Variants in NDST3 observed in about 807,000 individuals in gnomAD.
NDST3 encodes bifunctional heparan sulfate N-deacetylase/N-sulfotransferase 3.
Under a neutral mutation model 96.1 loss-of-function variants are expected in NDST3, and 58 were observed. The ratio of observed to expected loss-of-function variants is 0.60; its 90% confidence interval spans 0.49 to 0.75. The LOEUF (loss-of-function observed/expected upper bound fraction) is 0.75. Ranked by LOEUF, NDST3 falls within the 30% of genes least tolerant of loss-of-function variation. The probability of loss-of-function intolerance (pLI) is 0.00; values close to 1 mark genes in which losing one functional copy is unlikely to be tolerated. For synonymous variants in NDST3, 333 were observed against 359.7 expected (o/e 0.93, Z 0.84); for missense variants, 788 against 1,034.2 (o/e 0.76, Z 3.27).
chr4:118,130,680 A>T (rs28819697), intron 4 of NDST3, among the ~76,000 whole-genome samples: 2,292 of 152,170 alleles, frequency 0.015, 55 homozygotes, highest in African/African-American at 0.052. Flanking sequence ...ACCTTCAGAC[A>T]ATTTCTTCTT....
chr4:118,053,990 T>A lies in NDST3; in HGVS notation c.80T>A (p.Ile27Asn), dbSNP rs1237743682. ...GCCACTTTTTGTATGGTGAGCATTA[T>A]CATTTCTGCTTACTACCTGTACAGT... is the stretch of plus-strand genomic sequence containing the variant. ...LLATFCMVSI[I>N]ISAYYLYSGY... The change falls in exon 2 of 14, where the codon ATC (isoleucine) becomes AAC (asparagine). Residue 27 changes from isoleucine to asparagine, a missense_variant. This residue lies in a region of NDST3 where 234 missense variants were observed against 256.9 expected (regional missense o/e 0.91). Transcript: ENST00000296499. 6.2e-7 allele frequency: 1 copy of A among 1,612,626 alleles called. No homozygotes were observed. Among genetic ancestry groups the A allele is most frequent in the Non-Finnish European group, 8.5e-7 (1 of 1,179,082 alleles).
chr4:118,193,444 G>A lies in NDST3; in HGVS notation c.1540-31047G>A. On this transcript the variant is annotated intron_variant, in intron 6 of 13. Transcript: ENST00000296499. ...CCACTTGAGACTGGCTCTCTGTGGT[G>A]TTGCTCTTCTGCTCCTCCATCTCTG... 9 of 721,678 alleles carry A rather than the reference G, an allele frequency of 1.2e-5. No individual in the cohort carries two copies. The South Asian group carries it at 1.5e-4, about 12-fold the overall frequency. The allele number at this position is 721,678 out of a possible 1,614,324, so 44.7% of individuals were successfully genotyped here.
At chr4:118,207,573 A>T (rs922137972) in intron 6 of NDST3, among the ~76,000 whole-genome samples, 2 of 145,178 alleles carry the variant, frequency 1.4e-5, no homozygotes, top group Admixed American at 1.4e-4. Context: ...AACTTCTTTC[A>T]AAGTTTTATC....
intron 6 of NDST3, among the ~76,000 whole-genome samples, chr4:118,166,502 A>G (rs1735557474): frequency 6.6e-6 from 1 of 151,880 alleles, no homozygotes; most frequent in Admixed American, 6.6e-5. Flanking sequence ...TCCTTATCAA[A>G]CTCTCCAAAA....
intron 4 of NDST3, among the ~76,000 whole-genome samples, chr4:118,131,502 T>C (rs1732611912): frequency 6.6e-6 from 1 of 152,154 alleles, no homozygotes; most frequent in Non-Finnish European, 1.5e-5. Flanking sequence ...TCCTTATCTC[T>C]GTTAATCTTG....
At chr4:118,209,229 T>C (rs183037764) in intron 6 of NDST3, among the ~76,000 whole-genome samples, 1 of 152,210 alleles carries the variant, frequency 6.6e-6, no homozygotes, top group Non-Finnish European at 1.5e-5. Context: ...CTTTGTGCTA[T>C]GCTGCTGCTT....
At chr4:118,222,351 G>A (rs1311275830) in intron 6 of NDST3, among the ~76,000 whole-genome samples, 2 of 151,714 alleles carry the variant, frequency 1.3e-5, no homozygotes, top group Non-Finnish European at 2.9e-5. Flanking sequence ...TACATGTTCA[G>A]CAAAAGATAT....
At chr4:118,200,700 A>G (rs1223338371) in intron 6 of NDST3, among the ~76,000 whole-genome samples, 1 of 152,212 alleles carries the variant, frequency 6.6e-6, no homozygotes, top group Non-Finnish European at 1.5e-5. Flanking sequence ...TCTTTAATTT[A>G]AAATACTGAA....
intron 3 of NDST3, among the ~76,000 whole-genome samples, chr4:118,110,806 G>A (rs920007665): frequency 1.4e-4 from 22 of 151,844 alleles, no homozygotes; most frequent in Admixed American, 1.3e-3. Flanking sequence ...TGCCATTATT[G>A]GATATTATCA....
At chr4:118,244,479 T>C (rs528501854) in intron 12 of NDST3, among the ~76,000 whole-genome samples, 17 of 152,318 alleles carry the variant, frequency 1.1e-4, no homozygotes, top group African/African-American at 3.8e-4. Flanking sequence ...GACTATCTCA[T>C]TGGTGCTTAA....
At chr4:118,083,731 G>C (rs1728201015) in intron 2 of NDST3, among the ~76,000 whole-genome samples, 1 of 152,212 alleles carries the variant, frequency 6.6e-6, no homozygotes, top group East Asian at 1.9e-4. Context: ...CTTCTTAACA[G>C]CATTCTCATA....
intron 1 of NDST3, among the ~76,000 whole-genome samples, chr4:118,047,293 G>A (rs955864926): frequency 2.0e-5 from 3 of 152,150 alleles, no homozygotes; most frequent in African/African-American, 7.2e-5. Flanking sequence ...AAGAAACACT[G>A]GACTTCTTAG....
chr4:118,153,688 G>A (rs1283274585), intron 6 of NDST3, among the ~76,000 whole-genome samples: 1 of 152,116 alleles, frequency 6.6e-6, no homozygotes, highest in Non-Finnish European at 1.5e-5. Flanking sequence ...GCCGGGCGTG[G>A]TGGTGCATGC....
intron 2 of NDST3, among the ~76,000 whole-genome samples, chr4:118,065,185 C>T (rs1726208659): frequency 6.6e-6 from 1 of 152,102 alleles, no homozygotes. Context: ...GTACCACAAG[C>T]TATGCTCTTC....
At chr4:118,099,729 A>C (rs969312573) in intron 2 of NDST3, among the ~76,000 whole-genome samples, 12 of 152,002 alleles carry the variant, frequency 7.9e-5, no homozygotes, top group Non-Finnish European at 1.8e-4. Context: ...TCCTGGCCTT[A>C]TTATTTATTT....
chr4:118,234,013 A>T (rs1740479094), intron 9 of NDST3, among the ~76,000 whole-genome samples: 1 of 152,160 alleles, frequency 6.6e-6, no homozygotes, highest in Non-Finnish European at 1.5e-5. Flanking sequence ...ACCTACTAGG[A>T]TTTACATATA....
intron 1 of NDST3, among the ~76,000 whole-genome samples, chr4:118,047,089 C>G (rs568889153): frequency 5.3e-5 from 8 of 152,340 alleles, no homozygotes; most frequent in African/African-American, 1.4e-4. Flanking sequence ...AGGCTATCTA[C>G]TGCCCATTAC....
intron 2 of NDST3, among the ~76,000 whole-genome samples, chr4:118,062,559 A>T (rs1725983302): frequency 6.6e-6 from 1 of 152,156 alleles, no homozygotes; most frequent in Non-Finnish European, 1.5e-5. Flanking sequence ...ATTACTGTCA[A>T]TATTATTATC....
chr4:118,161,568 G>A (rs1057048096), intron 6 of NDST3, among the ~76,000 whole-genome samples: 3 of 152,190 alleles, frequency 2.0e-5, no homozygotes, highest in Admixed American at 6.5e-5. Flanking sequence ...AAGCAAGCCT[G>A]GGCGATGGTG....
Sources: allele counts gnomAD v4.1 joint callset (sites outside exome capture counted in the v4.1 genomes callset), GRCh38; gene constraint gnomAD v4.1.1; regional missense constraint gnomAD v4.1.1; transcripts MANE v1.5; gene names NCBI Gene and HGNC (gene_info 2026-07-23, HGNC 2026-07-21).